Variants in CEP41 observed in about 807,000 individuals in gnomAD.
The protein encoded by CEP41 is centrosomal protein of 41 kDa.
A neutral mutation model predicts 44.3 loss-of-function variants in CEP41; 32 were observed. The ratio of observed to expected loss-of-function variants is 0.72; its 90% CI spans 0.54 to 0.97. CEP41 has a LOEUF of 0.97. CEP41 is among the 50% of genes least tolerant of loss of function. The pLI is 0.00. For missense variants in CEP41, 432 were observed against 455.2 expected (o/e 0.95, Z 0.46); for synonymous variants, 151 against 168.5 (o/e 0.90, Z 0.80).
chr7:130,435,140 T>C (rs1797925765), intron 1 of CEP41, among the ~76,000 whole-genome samples: 1 of 152,186 alleles, frequency 6.6e-6, no homozygotes, highest in Non-Finnish European at 1.5e-5. Context: ...ATAAAACTCT[T>C]ATATTTCTCT....
At chr7:130,413,797 T>C (rs1797256040) in intron 3 of CEP41, among the ~76,000 whole-genome samples, 1 of 152,208 alleles carries the variant, frequency 6.6e-6, no homozygotes, top group South Asian at 2.1e-4. Flanking sequence ...GTTTTGAAGA[T>C]GACAGTCAAA....
chr7:130,440,972 C>T lies in CEP41; in HGVS notation c.-6G>A, dbSNP rs782553135. On this transcript the variant is annotated 5_prime_UTR_variant, in exon 1 of 11. Coordinates refer to ENST00000223208, the MANE Select transcript of CEP41 (RefSeq NM_018718.3). ...ATGTGCCTCCGGAGGGACATATTTT[C>T]TCCAACCGACCACGTTCGGGGTTCT... 3.7e-6 allele frequency: 6 copies of T among 1,612,788 alleles called. No individual in the cohort carries two copies. In the Admixed American group the frequency reaches 8.3e-5, roughly 22 times the overall value.
chr7:130,394,315 C>A lies in CEP41; in HGVS notation c.*4576G>T, dbSNP rs140706708. 2.2e-6 allele frequency: 1 copy of A among 453,974 alleles called. No individual in the cohort carries two copies. The highest frequency in any genetic ancestry group is 2.3e-5 in the Admixed American group (1 of 42,554). The allele number at this position is 453,974 out of a possible 1,614,324, so 28.1% of individuals were successfully genotyped here. A position where few individuals can be genotyped will look rare whatever the true frequency, so the allele number is the denominator to read the frequency against. On this transcript the variant is annotated 3_prime_UTR_variant, in exon 11 of 11. Coordinates refer to ENST00000223208, the MANE Select transcript of CEP41 (RefSeq NM_018718.3). ...TCTACCCGAACCTCAGTCTCCTCAT[C>A]TGAAAATGGGGGTGCCTGCCTCATC... is the stretch of plus-strand genomic sequence containing the variant.
chr7:130,423,835 T>C (rs1797581105), intron 2 of CEP41, among the ~76,000 whole-genome samples: 1 of 152,186 alleles, frequency 6.6e-6, no homozygotes, highest in Non-Finnish European at 1.5e-5. Context: ...TTGAAAACAT[T>C]TCACTAAGTG....
intron 5 of CEP41, 60 bp downstream of exon 5, chr7:130,411,062 G>T: frequency 7.2e-7 from 1 of 1,390,236 alleles, no homozygotes; most frequent in Non-Finnish European, 1.0e-6. Context: ...TGTGTACAGG[G>T]TGAGTGTTTC....
At chr7:130,425,154 C>T (rs868925897) in intron 2 of CEP41, among the ~76,000 whole-genome samples, 9 of 152,250 alleles carry the variant, frequency 5.9e-5, no homozygotes, top group Middle Eastern at 3.4e-3. Flanking sequence ...GGGCTGGGTG[C>T]GGTGGCTCAT....
intron 3 of CEP41, among the ~76,000 whole-genome samples, chr7:130,415,548 G>A (rs1797310065): frequency 1.3e-5 from 2 of 152,224 alleles, no homozygotes; most frequent in South Asian, 4.1e-4. Context: ...TGTTCTGGGA[G>A]ATCACCTCCA....
intron 4 of CEP41, 98 bp from the exon 5 acceptor site, chr7:130,411,289 G>C (rs1797175944): frequency 1.0e-6 from 1 of 965,140 alleles, no homozygotes; most frequent in Non-Finnish European, 1.7e-6. Context: ...AAACATCAAA[G>C]ATCTGTTGTT....
In CEP41 at chr7:130,394,324, G is replaced by C. The variant is rs1554413641; in HGVS notation, c.*4567C>G. On this transcript the variant is annotated 3_prime_UTR_variant, in exon 11 of 11. Coordinates refer to ENST00000223208, the MANE Select transcript of CEP41 (RefSeq NM_018718.3). ...ACCTCAGTCTCCTCATCTGAAAATG[G>C]GGGTGCCTGCCTCATCAGACTGTTG... The C allele has an allele frequency of 4.4e-6, 2 of 454,022 alleles. No individual in the cohort carries two copies. The highest frequency in any genetic ancestry group is 3.1e-5 in the South Asian group (2 of 64,466). The allele number at this position is 454,022 out of a possible 1,614,324, so 28.1% of individuals were successfully genotyped here.
chr7:130,395,189 A>G lies in CEP41; in HGVS notation c.*3702T>C, dbSNP rs1281548695. ...TTTCAATAATTATTGTAAATCTAGG[A>G]AAGTATTACTACCCAAATGTATTCT... On this transcript the variant is annotated 3_prime_UTR_variant, in exon 11 of 11. Transcript: ENST00000223208. 2 of 452,894 alleles carry G rather than the reference A, an allele frequency of 4.4e-6. No individual in the cohort carries two copies. The highest frequency in any genetic ancestry group is 2.0e-5 in the African/African-American group (1 of 49,990). 28.1% of individuals were successfully genotyped at this position (452,894 alleles called of 1,614,324 possible).
chr7:130,439,745 G>A (rs2117731141), intron 1 of CEP41, among the ~76,000 whole-genome samples: 1 of 151,958 alleles, frequency 6.6e-6, no homozygotes, highest in African/African-American at 2.4e-5. Flanking sequence ...CTCCTATTTG[G>A]GATAAAGGCT....
At chr7:130,422,913 A>G (rs1797550683) in intron 2 of CEP41, among the ~76,000 whole-genome samples, 1 of 152,046 alleles carries the variant, frequency 6.6e-6, no homozygotes, top group South Asian at 2.1e-4. Context: ...TTCTGACAAG[A>G]CTCTAGTATC....
At position 130,397,137 on chromosome 7, in the gene CEP41, A is replaced by G. The variant is rs1554415026; in HGVS notation, c.*1754T>C. The G allele has an allele frequency of 2.2e-6, 1 of 454,552 alleles. No homozygotes were observed. The highest frequency in any genetic ancestry group is 4.4e-6 in the Non-Finnish European group (1 of 226,786). The allele number at this position is 454,552 out of a possible 1,614,324, so 28.2% of individuals were successfully genotyped here. On this transcript the variant is annotated 3_prime_UTR_variant, in exon 11 of 11. Coordinates refer to ENST00000223208, the MANE Select transcript of CEP41 (RefSeq NM_018718.3). ...TGTGCATTTTTCTATCTATGCTGTA[A>G]AGAAAATACAAAGCCAGAGCATTTT...
chr7:130,438,120 CA>C (rs1798030814), intron 1 of CEP41, among the ~76,000 whole-genome samples: 1 of 152,166 alleles, frequency 6.6e-6, no homozygotes, highest in South Asian at 2.1e-4. Flanking sequence ...GCGCCAGCAC[CA>C]ATGAGTAGTC....
chr7:130,417,149 T>C, intron 2 of CEP41, 183 bp from the exon 3 acceptor site: 1 of 1,409,130 alleles, frequency 7.1e-7, no homozygotes, highest in Non-Finnish European at 9.2e-7. Flanking sequence ...TATTAAAAGT[T>C]GCAGAGCCGA....
At chr7:130,412,302 T>C (rs908580839) in intron 3 of CEP41, 62 bp from the exon 4 acceptor site, 39 of 828,178 alleles carry the variant, frequency 4.7e-5, no homozygotes, top group Non-Finnish European at 7.7e-5. Context: ...TTCTTTCTAG[T>C]TGTCAAGTGA....
chr7:130,406,316 G>A (rs1797007151), intron 5 of CEP41, among the ~76,000 whole-genome samples: 1 of 152,132 alleles, frequency 6.6e-6, no homozygotes, highest in Non-Finnish European at 1.5e-5. Context: ...GGGCATGGTG[G>A]CTCACACCTG....
rs200757612 is a variant in CEP41 at position 130,419,581 on chromosome 7, T to TA, written c.98-2616dup. ...AGACTATCCAAGAACCAATTTTTTT[T>TA]AAAAAAAATTGAAATTACACATTAC... On this transcript the variant is annotated intron_variant, in intron 2 of 10. Transcript: ENST00000223208. The TA allele has an allele frequency of 2.9e-4, 280 of 982,424 alleles. 1 individual carries two copies. In the East Asian group the frequency reaches 0.02, roughly 70 times the overall value. 60.9% of individuals were successfully genotyped at this position (982,424 alleles called of 1,614,324 possible).
intron 8 of CEP41, chr7:130,401,062 G>A (rs183558848): frequency 2.4e-5 from 12 of 494,224 alleles, no homozygotes; most frequent in Middle Eastern, 1.1e-3. Context: ...CACTAGTTCC[G>A]GACTTTACAT....
Sources: allele counts gnomAD v4.1 joint callset (sites outside exome capture counted in the v4.1 genomes callset), GRCh38; gene constraint gnomAD v4.1.1; transcripts MANE v1.5; gene names NCBI Gene and HGNC (gene_info 2026-07-23, HGNC 2026-07-21).